The following ADK variants were observed in gnomAD, a reference collection of about 807,000 sequenced individuals.
ADK encodes the protein N6,N6-dimethyladenosine kinase.
ADK carries 24 observed loss-of-function variants against 44.7 expected under a neutral mutation model. That is an observed-to-expected ratio of 0.54 (90% CI 0.39 to 0.76). The LOEUF is 0.76. ADK is among the 30% of genes least tolerant of loss of function. ADK has a pLI of 0.00. For missense variants in ADK, 321 were observed against 425.1 expected, an observed-to-expected ratio of 0.76 and a Z score of 2.15; for synonymous variants, 128 against 142.6, an observed-to-expected ratio of 0.90 and a Z score of 0.73.
At chr10:74,434,933 T>C (rs1845130786) in intron 6 of ADK, among the ~76,000 whole-genome samples, 1 of 152,212 alleles carries the variant, frequency 6.6e-6, no homozygotes, top group South Asian at 2.1e-4. Flanking sequence ...TGGTGAGTTG[T>C]TTATATATAA....
At position 74,252,802 on chromosome 10, in the gene ADK, C is replaced by T. The variant is rs896631437; in HGVS notation, c.194+28211C>T. 1.1e-4 allele frequency among the ~76,000 whole-genome samples: 16 copies of T among 152,036 alleles called. 1 individual carries two copies. Among genetic ancestry groups the T allele is most frequent in the Admixed American group, 2.6e-4 (4 of 15,258 alleles). On this transcript the variant is annotated intron_variant, in intron 3 of 10. Transcript: ENST00000539909. ...TGTTAACATAATATTTTGGGTGAGGCGGGGTAAGATTTGCAAAAGTTAGGT... is the reference window on the plus strand; with the variant it reads ...TGTTAACATAATATTTTGGGTGAGGTGGGGTAAGATTTGCAAAAGTTAGGT...
chr10:74,657,690 T>G lies in ADK; in HGVS notation c.878-12493T>G, dbSNP rs541800894. Among the ~76,000 whole-genome samples the G allele has an allele frequency of 7.2e-5, 11 of 152,266 alleles. No individual in the cohort carries two copies. In the South Asian group the frequency reaches 2.3e-3, roughly 32 times the overall value. ...AATAATCACTATATTCAGCAATAAT[T>G]GTTAATTGAGCACCTACTCTGTACT... On this transcript the variant is annotated intron_variant, in intron 9 of 10. Transcript: ENST00000539909.
intron 4 of ADK, among the ~76,000 whole-genome samples, chr10:74,377,906 G>A (rs1364364061): frequency 6.6e-6 from 1 of 152,118 alleles, no homozygotes; most frequent in Admixed American, 6.6e-5. Flanking sequence ...GGGGCACTTA[G>A]GATTTTACTT....
At chr10:74,517,537 A>G (rs1848637711) in intron 6 of ADK, among the ~76,000 whole-genome samples, 1 of 151,860 alleles carries the variant, frequency 6.6e-6, no homozygotes, top group African/African-American at 2.4e-5. Flanking sequence ...AAAAATACAA[A>G]AACTAGCTGG....
At chr10:74,351,404 T>C (rs1432865964) in intron 4 of ADK, among the ~76,000 whole-genome samples, 1 of 152,174 alleles carries the variant, frequency 6.6e-6, no homozygotes, top group Non-Finnish European at 1.5e-5. Context: ...AAACTAGGTA[T>C]TGATGGAACA....
chr10:74,217,294 C>A (rs1844085280), intron 2 of ADK, among the ~76,000 whole-genome samples: 1 of 152,248 alleles, frequency 6.6e-6, no homozygotes, highest in South Asian at 2.1e-4. Flanking sequence ...GATCAAACTG[C>A]AAGGCGGCAG....
At chr10:74,152,532 C>T (rs149073384) in intron 1 of ADK, among the ~76,000 whole-genome samples, 42 of 152,234 alleles carry the variant, frequency 2.8e-4, no homozygotes, top group Admixed American at 4.6e-4. Context: ...TATAAGGCAC[C>T]TCCTTCGCCA....
chr10:74,316,602 A>G (rs925910544), intron 4 of ADK, among the ~76,000 whole-genome samples: 1 of 152,212 alleles, frequency 6.6e-6, no homozygotes, highest in Non-Finnish European at 1.5e-5. Context: ...GCCTTCTGCC[A>G]TGATTATAAG....
At chr10:74,565,727 C>CAAAAAA (rs398014155) in intron 7 of ADK, among the ~76,000 whole-genome samples, 5 of 63,366 alleles carry the variant, frequency 7.9e-5, no homozygotes, top group Admixed American at 5.3e-4. Flanking sequence ...AACTCCGTCT[C>CAAAAAA]AAAAAAAAAA....
At chr10:74,226,029 A>G (rs1844521661) in intron 3 of ADK, among the ~76,000 whole-genome samples, 1 of 152,172 alleles carries the variant, frequency 6.6e-6, no homozygotes, top group Admixed American at 6.5e-5. Context: ...GTTTTAATTC[A>G]TTTGAAAGTT....
In ADK at chr10:74,518,316, G is replaced by A. The variant is rs1848676052; in HGVS notation, c.556-6940G>A. Reference sequence around the variant, plus strand: ...CATCAGTGCTAGTCTAGGCTTGGTTGGGCTCTCTGGTTGTCCAAATATTTT... The same window carrying A: ...CATCAGTGCTAGTCTAGGCTTGGTTAGGCTCTCTGGTTGTCCAAATATTTT... On this transcript the variant is annotated intron_variant, in intron 6 of 10. Transcript: ENST00000539909. Among the ~76,000 whole-genome samples, 3 of 152,220 alleles carry A rather than the reference G, an allele frequency of 2.0e-5. No individual in the cohort carries two copies. In the South Asian group the frequency reaches 6.2e-4, roughly 32 times the overall value.
intron 9 of ADK, among the ~76,000 whole-genome samples, chr10:74,605,425 C>A (rs979124788): frequency 6.6e-6 from 1 of 152,078 alleles, no homozygotes; most frequent in Non-Finnish European, 1.5e-5. Context: ...TCCATCAATA[C>A]CTAGTTTTTT....
intron 7 of ADK, among the ~76,000 whole-genome samples, chr10:74,572,722 A>G (rs1280511652): frequency 6.6e-6 from 1 of 151,838 alleles, no homozygotes; most frequent in East Asian, 1.9e-4. Flanking sequence ...TTTTTTCTCT[A>G]AACTTCCCTT....
intron 4 of ADK, among the ~76,000 whole-genome samples, chr10:74,364,966 T>C (rs937315815): frequency 1.3e-5 from 2 of 152,098 alleles, no homozygotes; most frequent in African/African-American, 4.8e-5. Flanking sequence ...TCTCCGTACA[T>C]CCAGCCTGGC....
At chr10:74,250,718 G>A (rs1311206759) in intron 3 of ADK, among the ~76,000 whole-genome samples, 1 of 152,008 alleles carries the variant, frequency 6.6e-6, no homozygotes, top group Non-Finnish European at 1.5e-5. Context: ...CTCTTATAGG[G>A]TAGTAGTAGT....
chr10:74,652,664 G>A (rs189235452), intron 9 of ADK, among the ~76,000 whole-genome samples: 2 of 151,900 alleles, frequency 1.3e-5, no homozygotes, highest in Admixed American at 6.5e-5. Context: ...GGAGGCTGAG[G>A]CAGGAGAATC....
intron 1 of ADK, among the ~76,000 whole-genome samples, chr10:74,180,770 C>CT (rs760034458): frequency 5.3e-5 from 8 of 152,138 alleles, no homozygotes; most frequent in Non-Finnish European, 1.2e-4. Context: ...CCATGCTAGT[C>CT]TTGAATTCCT....
At chr10:74,316,400 G>T (rs1840621193) in intron 4 of ADK, among the ~76,000 whole-genome samples, 1 of 152,148 alleles carries the variant, frequency 6.6e-6, no homozygotes, top group Admixed American at 6.5e-5. Context: ...ATTGTAATCT[G>T]TATAATCCCC....
At chr10:74,258,141 AATATT>A (rs1845896155) in intron 3 of ADK, among the ~76,000 whole-genome samples, 1 of 152,134 alleles carries the variant, frequency 6.6e-6, no homozygotes, top group Non-Finnish European at 1.5e-5. Context: ...AGTTATGAGA[AATATT>A]TAAGTATTTT....
Sources: gnomAD v4.1 joint callset for allele counts (sites outside exome capture counted in the v4.1 genomes callset) on GRCh38, gnomAD v4.1.1 for gene constraint, MANE v1.5 for transcripts, NCBI Gene and HGNC (gene_info 2026-07-23, HGNC 2026-07-21) for gene names.